Variants in TRIM3 observed in about 807,000 individuals in gnomAD.
The protein encoded by TRIM3 is tripartite motif containing 3, also known as tripartite motif-containing protein 3.
In TRIM3, 13 loss-of-function variants were observed where a neutral mutation model predicts 66.6. The ratio of observed to expected loss-of-function variants is 0.20; its 90% CI spans 0.13 to 0.31. The LOEUF (loss-of-function observed/expected upper bound fraction) is 0.31. TRIM3 is among the 10% of genes least tolerant of loss of function. The pLI, the probability that TRIM3 is intolerant of heterozygous loss-of-function variation, is 1.00. For missense variants in TRIM3, 711 were observed against 1,020.4 expected (o/e 0.70, Z 4.13); for synonymous variants, 406 against 411.7 (o/e 0.99, Z 0.17).
rs745876002 is a variant in TRIM3 at position 6,456,146 on chromosome 11, T to C, written c.1459A>G (p.Thr487Ala). Residue 487 changes from threonine to alanine, a missense_variant, in exon 7 of 12, where the codon ACC becomes GCC. Around this residue, in one of 3 missense-constraint regions of TRIM3, gnomAD observed 399 missense variants for 458.1 expected, o/e 0.87. Coordinates refer to ENST00000345851, the MANE Select transcript of TRIM3 (RefSeq NM_033278.4). This position sits in a 1 kb window ranked among gnomAD's most constrained non-coding sequence, Gnocchi z 6.4. ...GSRGREKGEFTNLQGVSAASS... is the reference protein window; with the variant it reads ...GSRGREKGEFANLQGVSAASS... ...GCTGCGGACACACCTTGTAAATTGG[T>C]GAATTCACCTTTCTCCCTTCCACGA... The C allele has an allele frequency of 8.1e-6, 13 of 1,614,002 alleles. No individual in the cohort carries two copies. The South Asian group carries it at 9.9e-5, about 12-fold the overall frequency.
In TRIM3 at chr11:6,457,303, T is replaced by C; in HGVS notation, c.689A>G (p.Lys230Arg). ...VSDLETICGA[K>R]QKVLQSQLDT... is the part of the protein sequence containing the mutation. The stretch of plus-strand genomic sequence containing the variant: ...GGTGAACACAAGACACACCTTCTGT[T>C]TGGCCCCACAAATGGTCTCCAGGTC... The change falls in exon 5 of 12, where the codon AAA (lysine) becomes AGA (arginine). Residue 230 changes from lysine to arginine, a missense_variant. Physicochemically the swap from Lys to Arg is conservative, Grantham distance 26. This residue lies in a region of TRIM3 where 399 missense variants were observed against 458.1 expected (regional missense o/e 0.87). Coordinates refer to ENST00000345851, the MANE Select transcript of TRIM3 (RefSeq NM_033278.4). The surrounding 1 kb of genome is among the most constrained non-coding windows in gnomAD (Gnocchi z 4.5). The C allele has an allele frequency of 6.2e-7, 1 of 1,614,108 alleles. No homozygotes were observed.
intron 1 of TRIM3, among the ~76,000 whole-genome samples, chr11:6,472,873 A>C (rs1850744056): frequency 6.6e-6 from 1 of 151,786 alleles, no homozygotes; most frequent in Non-Finnish European, 1.5e-5. Flanking sequence ...CTCTGATTCC[A>C]ATTCTGCAGC....
chr11:6,457,895 T>C lies in TRIM3; in HGVS notation c.364-48A>G, dbSNP rs756399381. ...GGGTAATGGCTAGACATCACACTTC[T>C]TTGTCCCCTCCCCACCTGCCCTCCC... On this transcript the variant is annotated intron_variant, in intron 3 of 11. Transcript: ENST00000345851. This position sits in a 1 kb window ranked among gnomAD's most constrained non-coding sequence, Gnocchi z 4.5. The C allele has an allele frequency of 3.7e-6, 6 of 1,607,996 alleles. No individual in the cohort carries two copies. In the South Asian group the frequency reaches 4.4e-5, roughly 12 times the overall value.
At chr11:6,474,284 G>A (rs1205730499), upstream of TRIM3, 1 of 152,612 alleles carries the variant, frequency 6.6e-6, no homozygotes, top group Non-Finnish European at 1.5e-5. Flanking sequence ...AGGGATTTCG[G>A]ACTCTGGGAG....
intron 7 of TRIM3, among the ~76,000 whole-genome samples, chr11:6,455,523 C>T (rs1849923119): frequency 1.3e-5 from 2 of 152,180 alleles, no homozygotes; most frequent in South Asian, 4.1e-4. Flanking sequence ...ATGCCATAAT[C>T]AGGTGTATGA....
chr11:6,462,944 C>T (rs1246920745), intron 2 of TRIM3, among the ~76,000 whole-genome samples: 3 of 152,078 alleles, frequency 2.0e-5, no homozygotes, highest in East Asian at 1.9e-4. Flanking sequence ...CGGTGACTCA[C>T]GCCTGGAATC....
chr11:6,455,204 A>G (rs1564964356), intron 7 of TRIM3, among the ~76,000 whole-genome samples: 1 of 152,136 alleles, frequency 6.6e-6, no homozygotes, highest in Non-Finnish European at 1.5e-5. Flanking sequence ...ACTAGATGTC[A>G]AGTATAGTAC....
At position 6,458,376 on chromosome 11, in the gene TRIM3, A is replaced by C. The variant is rs953278029; in HGVS notation, c.132-80T>G. 8.6e-6 allele frequency: 10 copies of C among 1,156,196 alleles called. No homozygotes were observed. The highest frequency in any genetic ancestry group is 1.3e-5 in the Non-Finnish European group (10 of 794,004). The allele number at this position is 1,156,196 out of a possible 1,614,324, so 71.6% of individuals were successfully genotyped here. A position where few individuals can be genotyped will look rare whatever the true frequency, so the allele number is the denominator to read the frequency against. ...CTTCCTTATACTTCCCATGGGTGCCAACCCCTTCCCTCACAGGTGTGCCAT... is the reference window on the plus strand; with the variant it reads ...CTTCCTTATACTTCCCATGGGTGCCCACCCCTTCCCTCACAGGTGTGCCAT... On this transcript the variant is annotated intron_variant, in intron 2 of 11. Coordinates refer to ENST00000345851, the MANE Select transcript of TRIM3 (RefSeq NM_033278.4). This position sits in a 1 kb window ranked among gnomAD's most constrained non-coding sequence, Gnocchi z 6.2.
intron 2 of TRIM3, among the ~76,000 whole-genome samples, chr11:6,463,517 C>A (rs976781016): frequency 3.3e-5 from 5 of 152,120 alleles, no homozygotes; most frequent in Non-Finnish European, 5.9e-5. Context: ...ATGGGTTTTG[C>A]AAAGGATAAA....
In TRIM3 at chr11:6,456,196, G is replaced by T; in HGVS notation, c.1430-21C>A. The T allele has an allele frequency of 6.2e-7, 1 of 1,612,998 alleles. No individual in the cohort carries two copies. Among genetic ancestry groups the T allele is most frequent in the Non-Finnish European group, 8.5e-7 (1 of 1,179,198 alleles). On this transcript the variant is annotated intron_variant, in intron 6 of 11. Coordinates refer to ENST00000345851, the MANE Select transcript of TRIM3 (RefSeq NM_033278.4). The surrounding 1 kb of genome is among the most constrained non-coding windows in gnomAD (Gnocchi z 6.4). The stretch of plus-strand genomic sequence containing the variant: ...ACTGCCTGTGGGAAGGGACAGGAGG[G>T]AAAACAAAATAATTCATTCAGAGGT...
In TRIM3 at chr11:6,451,299, C is replaced by T; in HGVS notation, c.1673G>A (p.Ser558Asn). ...IVADYDNRWV[S>N]IFSPEGKFKT... The stretch of plus-strand genomic sequence containing the variant: ...GAACTTGCCCTCAGGGGAGAAGATG[C>T]TGACCCAACGGTTGTCATAGTCTGC... The change falls in exon 8 of 12, where the codon AGC (serine) becomes AAC (asparagine). Residue 558 changes from serine (S) to asparagine (N), a missense_variant. This residue lies in a region of TRIM3 where 163 missense variants were observed against 321.9 expected (regional missense o/e 0.51). Transcript: ENST00000345851. 2 of 1,614,174 alleles carry T rather than the reference C, an allele frequency of 1.2e-6. No individual in the cohort carries two copies. The highest frequency in any genetic ancestry group is 1.7e-6 in the Non-Finnish European group (2 of 1,180,034).
intron 7 of TRIM3, among the ~76,000 whole-genome samples, chr11:6,453,619 T>C (rs1419792349): frequency 6.6e-6 from 1 of 152,232 alleles, no homozygotes; most frequent in Non-Finnish European, 1.5e-5. Flanking sequence ...TGATTTAACA[T>C]TCTGCCTAAG....
At chr11:6,460,189 G>A (rs955071294) in intron 2 of TRIM3, among the ~76,000 whole-genome samples, 2 of 152,308 alleles carry the variant, frequency 1.3e-5, no homozygotes, top group African/African-American at 4.8e-5. Flanking sequence ...AGCAGCTGAC[G>A]AGTTGGGTAA....
chr11:6,460,888 T>C (rs1850202452), intron 2 of TRIM3, among the ~76,000 whole-genome samples: 1 of 150,142 alleles, frequency 6.7e-6, no homozygotes, highest in Non-Finnish European at 1.5e-5. Flanking sequence ...TGTTTTTGTT[T>C]TTTTGGTGGC....
chr11:6,473,312 G>A (rs1331356538), intron 1 of TRIM3: 2 of 141,540 alleles, frequency 1.4e-5, no homozygotes, highest in Non-Finnish European at 3.0e-5. Flanking sequence ...GGAGGAAAGG[G>A]TGTCCTCCAT....
chr11:6,451,032 C>T lies in TRIM3; in HGVS notation c.1730G>A (p.Gly577Asp). 6.2e-7 allele frequency: 1 copy of T among 1,614,164 alleles called. No homozygotes were observed. The highest frequency in any genetic ancestry group is 8.5e-7 in the Non-Finnish European group (1 of 1,180,012). Residue 577 changes from glycine (G) to aspartate (D), a missense_variant, in exon 9 of 12, where the codon GGC (glycine) becomes GAC (aspartate). Around this residue, in one of 3 missense-constraint regions of TRIM3, gnomAD observed 163 missense variants for 321.9 expected, o/e 0.51. Coordinates refer to ENST00000345851, the MANE Select transcript of TRIM3 (RefSeq NM_033278.4). ...KTKIGAGRLM[G>D]PKGVAVDRNG... is the part of the protein sequence containing the mutation. ...CCGGTCTACGGCCACTCCCTTGGGGCCCATGAGGCGGCCAGCTCCAATCTT... is the reference window on the plus strand; with the variant it reads ...CCGGTCTACGGCCACTCCCTTGGGGTCCATGAGGCGGCCAGCTCCAATCTT...
chr11:6,451,144 G>A, intron 8 of TRIM3, 84 bp from the exon 9 acceptor site: 1 of 1,591,652 alleles, frequency 6.3e-7, no homozygotes, highest in Non-Finnish European at 8.6e-7. Context: ...AGAATCTTGG[G>A]CTGGGGAAAG....
chr11:6,464,617 C>T (rs182768378), intron 2 of TRIM3, among the ~76,000 whole-genome samples: 46 of 152,314 alleles, frequency 3.0e-4, no homozygotes, highest in Admixed American at 7.2e-4. Flanking sequence ...AAATACCCTA[C>T]TTGATTGTTA....
chr11:6,457,864 CCA>C lies in TRIM3; in HGVS notation c.364-19_364-18del. The stretch of plus-strand genomic sequence containing the variant: ...CTCCATCGTCTGCGGTACAAGGACT[CCA>C]GTCGGGTAATGGCTAGACATCACAC... On this transcript the variant is annotated intron_variant, in intron 3 of 11. Transcript: ENST00000345851. The surrounding 1 kb of genome is among the most constrained non-coding windows in gnomAD (Gnocchi z 4.5). 1 of 1,613,916 alleles carries C rather than the reference CCA, an allele frequency of 6.2e-7. No individual in the cohort carries two copies. Among genetic ancestry groups the C allele is most frequent in the Non-Finnish European group, 8.5e-7 (1 of 1,179,830 alleles).
Sources: allele counts gnomAD v4.1 joint callset (sites outside exome capture counted in the v4.1 genomes callset), GRCh38; gene constraint gnomAD v4.1.1; regional missense constraint gnomAD v4.1.1; non-coding constraint Gnocchi (gnomAD v3.1); transcripts MANE v1.5; gene names NCBI Gene and HGNC (gene_info 2026-07-23, HGNC 2026-07-21).